The following ZNF432 variants were observed in gnomAD, a reference collection of about 807,000 sequenced individuals.
The protein encoded by ZNF432 is zinc finger protein 432.
Under a neutral mutation model 13.9 loss-of-function variants are expected in ZNF432, and 10 were observed. The ratio of observed to expected loss-of-function variants is 0.72; its 90% CI spans 0.44 to 1.22. ZNF432 has a LOEUF of 1.22. Ranked by LOEUF, ZNF432 falls within the 50% of genes most tolerant of loss-of-function variation. ZNF432 has a pLI of 0.00. For synonymous variants in ZNF432, 247 were observed against 256.2 expected (o/e 0.96, Z 0.34); for missense variants, 793 against 796.2 (o/e 1.00, Z 0.05).
intron 4 of ZNF432, among the ~76,000 whole-genome samples, chr19:52,036,628 A>C (rs2087083238): frequency 6.6e-6 from 1 of 152,232 alleles, no homozygotes; most frequent in Non-Finnish European, 1.5e-5. Flanking sequence ...AGAAGGCAGC[A>C]TGGAAATAAT....
At chr19:52,045,464 C>T (rs1311796551) in intron 2 of ZNF432, among the ~76,000 whole-genome samples, 1 of 144,120 alleles carries the variant, frequency 6.9e-6, no homozygotes, top group East Asian at 2.1e-4. Context: ...TCAAGCGATT[C>T]TCCTGTCTCA....
rs1331724027 is a variant in ZNF432 at position 52,032,223 on chromosome 19, A to T, written c.*1497T>A. On this transcript the variant is annotated 3_prime_UTR_variant, in exon 5 of 5. Transcript: ENST00000221315. ...CATTTATCAGTAAATTGAAAAAAAT[A>T]AATTTGGGGCCTATAATATGTAAGA... 1 of 152,176 alleles carries T rather than the reference A, an allele frequency of 6.6e-6. No individual in the cohort carries two copies. The highest frequency in any genetic ancestry group is 1.5e-5 in the Non-Finnish European group (1 of 68,040). 9.4% of individuals were successfully genotyped at this position (152,176 alleles called of 1,614,324 possible). A position where few individuals can be genotyped will look rare whatever the true frequency, so the allele number is the denominator to read the frequency against.
chr19:52,046,706 C>T (rs530663650), intron 2 of ZNF432, 148 bp downstream of exon 2: 19 of 738,466 alleles, frequency 2.6e-5, no homozygotes, highest in Middle Eastern at 3.7e-4. Flanking sequence ...GTAGGAATCA[C>T]ATAAACACTA....
In ZNF432 at chr19:52,034,284, G is replaced by A; in HGVS notation, c.1395C>T (p.Gly465=). ...CAATCAGCCGACTCTTCAAGGGGAAGCCTTTCCCACATTCACTGCATGTGT... is the reference window on the plus strand; with the variant it reads ...CAATCAGCCGACTCTTCAAGGGGAAACCTTTCCCACATTCACTGCATGTGT... ...KPYTCSECGK[G]FPLKSRLIVH... is the part of the protein sequence containing the mutation. The change falls in exon 5 of 5, where the codon GGC becomes GGT. Residue 465 remains glycine, a synonymous_variant. Coordinates refer to ENST00000221315, the MANE Select transcript of ZNF432 (RefSeq NM_014650.4). The A allele has an allele frequency of 1.2e-6, 2 of 1,613,984 alleles. No individual in the cohort carries two copies. Among genetic ancestry groups the A allele is most frequent in the Non-Finnish European group, 1.7e-6 (2 of 1,179,912 alleles).
chr19:52,048,108 T>A (rs2087205063), intron 1 of ZNF432, among the ~76,000 whole-genome samples: 1 of 126,084 alleles, frequency 7.9e-6, no homozygotes, highest in African/African-American at 2.9e-5. Flanking sequence ...TCAAGTCTGT[T>A]CCAGCCAAAG....
chr19:52,042,876 A>G (rs2087148751), intron 2 of ZNF432, among the ~76,000 whole-genome samples: 1 of 152,240 alleles, frequency 6.6e-6, no homozygotes. Context: ...AAGATGCATT[A>G]CCATCAAAAG....
At chr19:52,039,917 T>G (rs901864100) in intron 4 of ZNF432, among the ~76,000 whole-genome samples, 1 of 151,912 alleles carries the variant, frequency 6.6e-6, no homozygotes, top group African/African-American at 2.4e-5. Flanking sequence ...TTTTTTTTTT[T>G]AAGTGATACT....
intron 2 of ZNF432, among the ~76,000 whole-genome samples, chr19:52,046,529 T>C (rs188430832): frequency 0.02 from 3,095 of 151,802 alleles, 57 homozygotes; most frequent in Admixed American, 0.024. Flanking sequence ...CTAAGTGCCA[T>C]GAAATAATAA....
rs890894904 is a variant in ZNF432, at chr19:52,047,043, G to T, written c.-175C>A. The T allele has an allele frequency of 9.4e-6, 6 of 636,680 alleles. No homozygotes were observed. The South Asian group carries it at 1.4e-4, about 15-fold the overall frequency. The allele number at this position is 636,680 out of a possible 1,614,324, so 39.4% of individuals were successfully genotyped here. On this transcript the variant is annotated 5_prime_UTR_variant, in exon 2 of 5. Transcript: ENST00000221315. ...CATTTACTTCTTGTCTCTTCCCAGG[G>T]TAGCCAGGACCTGTGGACTGAAGAG...
intron 3 of ZNF432, among the ~76,000 whole-genome samples, chr19:52,041,263 A>G (rs75319074): frequency 1.7e-3 from 254 of 152,300 alleles, no homozygotes; most frequent in African/African-American, 5.8e-3. Context: ...ATTTTATATG[A>G]GACTTGAGCA....
In ZNF432 at chr19:52,047,671, C is replaced by CA. The variant is rs201695632; in HGVS notation, c.-192-612dup. 8.5e-3 allele frequency among the ~76,000 whole-genome samples: 611 copies of CA among 71,782 alleles called. 2 individuals are homozygous for CA. Among genetic ancestry groups the CA allele is most frequent in the African/African-American group, 0.024 (376 of 15,622 alleles). The allele number at this position is 71,782 out of a possible 152,430, so 47.1% of individuals were successfully genotyped here. On this transcript the variant is annotated intron_variant, in intron 1 of 4. Coordinates refer to ENST00000221315, the MANE Select transcript of ZNF432 (RefSeq NM_014650.4). ...GGGCGACAAAAGCAAGACTCCATCT[C>CA]AAAAAAAAAAAAAAAATGTTTATAT... is the stretch of plus-strand genomic sequence containing the variant.
chr19:52,044,975 G>A (rs1169003084), intron 2 of ZNF432, among the ~76,000 whole-genome samples: 1 of 152,148 alleles, frequency 6.6e-6, no homozygotes, highest in Non-Finnish European at 1.5e-5. Flanking sequence ...GTTGGGCCAT[G>A]CATAAAATAC....
chr19:52,046,782 G>T, intron 2 of ZNF432, 72 bp downstream of exon 2: 1 of 1,487,354 alleles, frequency 6.7e-7, no homozygotes, highest in Non-Finnish European at 9.2e-7. Flanking sequence ...TCTAGATTCT[G>T]AAATGATTTC....
chr19:52,041,864 T>C (rs140725890), intron 2 of ZNF432, among the ~76,000 whole-genome samples: 234 of 152,314 alleles, frequency 1.5e-3, no homozygotes, highest in African/African-American at 5.4e-3. Flanking sequence ...TTAATTTTGG[T>C]ATCTATTGAC....
At chr19:52,042,736 A>C (rs1371870752) in intron 2 of ZNF432, among the ~76,000 whole-genome samples, 1 of 152,174 alleles carries the variant, frequency 6.6e-6, no homozygotes, top group Non-Finnish European at 1.5e-5. Flanking sequence ...AACTGATTAA[A>C]TATCCTATAA....
rs538629852 is a variant in ZNF432, at chr19:52,034,988, T to C, written c.691A>G (p.Lys231Glu). ...TDHERVHTGE[K>E]PYGCTLCAKV... The stretch of plus-strand genomic sequence containing the variant: ...GCACACAAAGTACATCCATAAGGTT[T>C]TTCTCCTGTATGAACTCTCTCATGA... The change falls in exon 5 of 5, where the codon AAA (lysine) becomes GAA (glutamate). Residue 231 changes from lysine to glutamate, a missense_variant. Coordinates refer to ENST00000221315, the MANE Select transcript of ZNF432 (RefSeq NM_014650.4). 10 of 1,613,870 alleles carry C rather than the reference T, an allele frequency of 6.2e-6. No homozygotes were observed. The Admixed American group carries it at 1.3e-4, about 22-fold the overall frequency.
intron 4 of ZNF432, 27 bp downstream of exon 4, chr19:52,040,461 T>A (rs545203652): frequency 6.3e-7 from 1 of 1,591,986 alleles, no homozygotes; most frequent in African/African-American, 1.3e-5. Context: ...ATAATATTAC[T>A]TACGCATCTT....
chr19:52,046,933 C>T lies in ZNF432; in HGVS notation c.-65G>A. 6.3e-7 allele frequency: 1 copy of T among 1,574,912 alleles called. No homozygotes were observed. Among genetic ancestry groups the T allele is most frequent in the Non-Finnish European group, 8.7e-7 (1 of 1,155,174 alleles). The stretch of plus-strand genomic sequence containing the variant: ...CTGTCTTTGTCTCCTCTGGATCTGC[C>T]TTAAATTTCTATTTAGAAACTTCAG... On this transcript the variant is annotated 5_prime_UTR_variant, in exon 2 of 5. Coordinates refer to ENST00000221315, the MANE Select transcript of ZNF432 (RefSeq NM_014650.4).
Position 52,034,703 on chromosome 19 carries a change from A to G in ZNF432, c.976T>C (p.Phe326Leu). ...SYICSECGKG[F>L]TGKSMLIIHQ... Reference sequence around the variant, plus strand: ...ATAATAAGCATGCTCTTCCCAGTGAAGCCTTTTCCACATTCACTACATATA... The same window carrying G: ...ATAATAAGCATGCTCTTCCCAGTGAGGCCTTTTCCACATTCACTACATATA... Residue 326 changes from phenylalanine (F) to leucine (L), a missense_variant, in exon 5 of 5, where the codon TTC becomes CTC. Transcript: ENST00000221315. 1.2e-6 allele frequency: 2 copies of G among 1,613,884 alleles called. No individual in the cohort carries two copies. Among genetic ancestry groups the G allele is most frequent in the Non-Finnish European group, 1.7e-6 (2 of 1,179,948 alleles).
Sources: allele counts gnomAD v4.1 joint callset (sites outside exome capture counted in the v4.1 genomes callset), GRCh38; gene constraint gnomAD v4.1.1; transcripts MANE v1.5; gene names NCBI Gene and HGNC (gene_info 2026-07-23, HGNC 2026-07-21).